GBP7: variants seen among roughly 807,000 people sequenced by gnomAD.
GBP7 encodes the protein guanylate binding protein 7, also known as guanylate-binding protein 7.
Under a neutral mutation model 61.3 loss-of-function variants are expected in GBP7, and 43 were observed. That is an observed-to-expected ratio of 0.70 (90% CI 0.55 to 0.91). The LOEUF (loss-of-function observed/expected upper bound fraction) is 0.91. Ranked by LOEUF, GBP7 falls within the 40% of genes least tolerant of loss-of-function variation. GBP7 has a pLI of 0.00. For synonymous variants in GBP7, 267 were observed against 271.0 expected (o/e 0.99, Z 0.14); for missense variants, 717 against 740.5 (o/e 0.97, Z 0.37).
chr1:89,131,815 T>C lies in GBP7; in HGVS notation c.*334A>G, dbSNP rs1246163684. 3 of 172,502 alleles carry C rather than the reference T, an allele frequency of 1.7e-5. No homozygotes were observed. The highest frequency in any genetic ancestry group is 3.7e-5 in the Non-Finnish European group (3 of 81,944). The allele number at this position is 172,502 out of a possible 1,614,324, so 10.7% of individuals were successfully genotyped here. ...ATCATATTTTTGCCTGTTTAAAATA[T>C]GTGGCGTTACTCTCTTCTCACTGAT... On this transcript the variant is annotated 3_prime_UTR_variant, in exon 11 of 11. Coordinates refer to ENST00000294671, the MANE Select transcript of GBP7 (RefSeq NM_207398.3).
In GBP7 at chr1:89,133,311, C is replaced by T; in HGVS notation, c.1609G>A (p.Glu537Lys). The T allele has an allele frequency of 1.9e-6, 3 of 1,614,066 alleles. No individual in the cohort carries two copies. Among genetic ancestry groups the T allele is most frequent in the Middle Eastern group, 1.6e-4 (1 of 6,062 alleles). The change falls in exon 10 of 11, where the codon GAA becomes AAA. Residue 537 changes from glutamate to lysine, a missense_variant. By Grantham distance (56) the Glu-to-Lys change is moderately conservative. Transcript: ENST00000294671. Reference protein sequence around the residue: ...IAQLKKKMERERENYMRELRK... With the variant: ...IAQLKKKMERKRENYMRELRK... ...AGTTCTCTCATATAGTTTTCCCTTT[C>T]CCTCTCCATCTTCTTCTTGAGTTGA...
At position 89,147,640 on chromosome 1, in the gene GBP7, C is replaced by T. The variant is rs755730906; in HGVS notation, c.1292G>A (p.Gly431Glu). 2.5e-6 allele frequency: 4 copies of T among 1,613,956 alleles called. No individual in the cohort carries two copies. The highest frequency in any genetic ancestry group is 3.3e-5 in the Admixed American group (2 of 59,994). Residue 431 changes from glycine to glutamate, a missense_variant, in exon 8 of 11, where the codon GGG becomes GAG. Physicochemically the swap from Gly to Glu is moderately conservative, Grantham distance 98 (BLOSUM62 -2). Transcript: ENST00000294671. Reference sequence around the variant, plus strand: ...TTTTGCTTCTAAGTAGATATTGTGCCCCCCCGGAACAAAGAAAGTTCCTCT... The same window carrying T: ...TTTTGCTTCTAAGTAGATATTGTGCTCCCCCGGAACAAAGAAAGTTCCTCT... ...ISRGTFFVPGGHNIYLEAKKK... is the reference protein window; with the variant it reads ...ISRGTFFVPGEHNIYLEAKKK...
chr1:89,156,544 G>T (rs1014799914), intron 3 of GBP7, among the ~76,000 whole-genome samples: 3 of 151,248 alleles, frequency 2.0e-5, no homozygotes, highest in African/African-American at 7.3e-5. Flanking sequence ...CAAAAAAAGC[G>T]GGGGTTGCAA....
At chr1:89,132,868 A>G (rs1681711332) in intron 10 of GBP7, among the ~76,000 whole-genome samples, 1 of 152,248 alleles carries the variant, frequency 6.6e-6, no homozygotes, top group Non-Finnish European at 1.5e-5. Context: ...GAGATCATTC[A>G]GTATCATTTC....
Position 89,152,850 on chromosome 1 carries a change from C to G in GBP7, c.319-73G>C, listed in dbSNP as rs1682237745. The G allele has an allele frequency of 3.3e-6, 4 of 1,201,430 alleles. No individual in the cohort carries two copies. The East Asian group carries it at 9.7e-5, about 29-fold the overall frequency. The allele number at this position is 1,201,430 out of a possible 1,614,324, so 74.4% of individuals were successfully genotyped here. A position where few individuals can be genotyped will look rare whatever the true frequency, so the allele number is the denominator to read the frequency against. The stretch of plus-strand genomic sequence containing the variant: ...ACATCTCAAGGTCAACTACTTGTAT[C>G]CATGTAACCAAAACTGAAGTCATTC... On this transcript the variant is annotated intron_variant, in intron 3 of 10. Transcript: ENST00000294671.
At chr1:89,152,121 A>G in intron 5 of GBP7, 147 bp downstream of exon 5, 5 of 617,626 alleles carry the variant, frequency 8.1e-6, no homozygotes, top group East Asian at 2.7e-5. Context: ...AACCACAAAA[A>G]TCATAATCAC....
intron 3 of GBP7, among the ~76,000 whole-genome samples, chr1:89,160,980 A>T (rs1317175874): frequency 6.6e-6 from 1 of 151,776 alleles, no homozygotes; most frequent in African/African-American, 2.4e-5. Flanking sequence ...GTTTCCCTCT[A>T]TGTGTCCATG....
intron 3 of GBP7, among the ~76,000 whole-genome samples, chr1:89,153,340 A>T (rs1424625038): frequency 1.3e-5 from 2 of 152,228 alleles, no homozygotes; most frequent in East Asian, 1.9e-4. Context: ...AGATCATGTT[A>T]AAGTCAAGCT....
At chr1:89,171,290 TA>T (rs1411322202) in intron 2 of GBP7, among the ~76,000 whole-genome samples, 1 of 152,166 alleles carries the variant, frequency 6.6e-6, no homozygotes, top group Non-Finnish European at 1.5e-5. Flanking sequence ...TTCTGACTGG[TA>T]GCTTGGTGCT....
chr1:89,168,488 A>G (rs1028564355), intron 2 of GBP7, among the ~76,000 whole-genome samples: 1 of 152,214 alleles, frequency 6.6e-6, no homozygotes, highest in South Asian at 2.1e-4. Flanking sequence ...CAAAACGCAA[A>G]CAAAAGAAAG....
intron 3 of GBP7, among the ~76,000 whole-genome samples, chr1:89,155,439 A>T (rs1682297041): frequency 6.6e-6 from 1 of 152,226 alleles, no homozygotes; most frequent in South Asian, 2.1e-4. Flanking sequence ...AACCCATCAC[A>T]AAGAAGCTAA....
chr1:89,160,024 T>C (rs989249267), intron 3 of GBP7, among the ~76,000 whole-genome samples: 6 of 152,196 alleles, frequency 3.9e-5, no homozygotes, highest in Admixed American at 6.5e-5. Context: ...TGGAATACCA[T>C]GCAGCCATAG....
chr1:89,138,988 G>A (rs534164863), intron 9 of GBP7, among the ~76,000 whole-genome samples: 7 of 151,982 alleles, frequency 4.6e-5, no homozygotes, highest in Admixed American at 2.0e-4. Context: ...TAAGAACAAA[G>A]CAAACAACCC....
At chr1:89,166,997 G>A (rs1647462238) in intron 2 of GBP7, among the ~76,000 whole-genome samples, 1 of 152,076 alleles carries the variant, frequency 6.6e-6, no homozygotes, top group Admixed American at 6.5e-5. Context: ...AACCACCCTG[G>A]ATGCACCTAT....
chr1:89,162,198 G>A (rs1267937854), intron 3 of GBP7, among the ~76,000 whole-genome samples: 3 of 151,984 alleles, frequency 2.0e-5, no homozygotes, highest in African/African-American at 7.2e-5. Context: ...GTTTGATGTC[G>A]AGTAGCATCC....
rs773359764 is a variant in GBP7 at position 89,171,881 on chromosome 1, C to G, written c.55G>C (p.Gly19Arg). 1.9e-6 allele frequency: 3 copies of G among 1,613,738 alleles called. No individual in the cohort carries two copies. Among genetic ancestry groups the G allele is most frequent in the African/African-American group, 2.7e-5 (2 of 74,962 alleles). ...GCTTCTGAATTCACCACCAGATGCC[C>G]TTTAGTGTTCTCAGTGAGGCACACT... ...GPVCLTENTK[G>R]HLVVNSEALE... The change falls in exon 2 of 11, where the codon GGG becomes CGG. Residue 19 changes from glycine (G) to arginine (R), a missense_variant. Transcript: ENST00000294671.
At chr1:89,172,895 CTTTA>C (rs1207898648) in intron 1 of GBP7, among the ~76,000 whole-genome samples, 3 of 151,858 alleles carry the variant, frequency 2.0e-5, no homozygotes, top group South Asian at 2.1e-4. Flanking sequence ...GCTGTTCCTT[CTTTA>C]TTTATTTTGT....
intron 9 of GBP7, among the ~76,000 whole-genome samples, chr1:89,133,942 C>T (rs886420463): frequency 1.3e-5 from 2 of 152,156 alleles, no homozygotes; most frequent in Admixed American, 1.3e-4. Context: ...TCCCCCAAGG[C>T]TTGCCATGCC....
At chr1:89,143,659 G>A (rs980847227) in intron 8 of GBP7, among the ~76,000 whole-genome samples, 2 of 152,188 alleles carry the variant, frequency 1.3e-5, no homozygotes, top group African/African-American at 4.8e-5. Flanking sequence ...GGTGGAATGT[G>A]AAGCAGGAGC....
Sources: gnomAD v4.1 joint callset for allele counts (sites outside exome capture counted in the v4.1 genomes callset) on GRCh38, gnomAD v4.1.1 for gene constraint, MANE v1.5 for transcripts, NCBI Gene and HGNC (gene_info 2026-07-23, HGNC 2026-07-21) for gene names.